The following NCOA7 variants were observed in gnomAD, a reference collection of about 807,000 sequenced individuals.
The protein encoded by NCOA7 is 140 kDa estrogen receptor-associated protein.
A neutral mutation model predicts 104.3 loss-of-function variants in NCOA7; 45 were observed. The ratio of observed to expected loss-of-function variants is 0.43; its 90% confidence interval spans 0.34 to 0.55. NCOA7 has a LOEUF of 0.55. NCOA7 is among the 20% of genes least tolerant of loss of function. The pLI, the probability that NCOA7 is intolerant of heterozygous loss-of-function variation, is 0.02. For missense variants in NCOA7, 1,041 were observed against 1,119.7 expected, an observed-to-expected ratio of 0.93 and a Z score of 1.00; for synonymous variants, 398 against 402.3, an observed-to-expected ratio of 0.99 and a Z score of 0.13.
chr6:125,927,916 G>A (rs538098828), intron 14 of NCOA7, among the ~76,000 whole-genome samples, 158 bp downstream of exon 14: 18 of 152,192 alleles, frequency 1.2e-4, no homozygotes, highest in African/African-American at 7.2e-5. Context: ...ACTGCTTAGC[G>A]TCCCTGGCCT....
At chr6:125,918,284 G>A (rs1787252234) in intron 11 of NCOA7, among the ~76,000 whole-genome samples, 2 of 152,212 alleles carry the variant, frequency 1.3e-5, no homozygotes, top group East Asian at 1.9e-4. Flanking sequence ...AAAGCACCTG[G>A]CACCCACCAT....
chr6:125,922,336 T>G lies in NCOA7; in HGVS notation c.2371-346T>G, dbSNP rs139883387. Among the ~76,000 whole-genome samples, 578 of 152,288 alleles carry G rather than the reference T, an allele frequency of 3.8e-3. 3 individuals carry two copies. The highest frequency in any genetic ancestry group is 0.011 in the African/African-American group (472 of 41,560). ...TTTAGAAAGAAAAATTGGGAAAATATGAACTGTTTGGTAAAAGCCAGGTTG... is the reference window on the plus strand; with the variant it reads ...TTTAGAAAGAAAAATTGGGAAAATAGGAACTGTTTGGTAAAAGCCAGGTTG... On this transcript the variant is annotated intron_variant, in intron 12 of 15. Coordinates refer to ENST00000392477, the MANE Select transcript of NCOA7 (RefSeq NM_181782.5).
intron 5 of NCOA7, among the ~76,000 whole-genome samples, 158 bp from the exon 6 acceptor site, chr6:125,880,932 G>A (rs1213295246): frequency 6.6e-6 from 1 of 152,146 alleles, no homozygotes; most frequent in African/African-American, 2.4e-5. Flanking sequence ...TCATGGATTA[G>A]TCTAGAAAAC....
At chr6:125,862,909 C>T (rs567747253) in intron 3 of NCOA7, among the ~76,000 whole-genome samples, 8 of 138,532 alleles carry the variant, frequency 5.8e-5, no homozygotes, top group Admixed American at 5.5e-4. Flanking sequence ...GCAAGAGAAC[C>T]GCTTGAACCC....
chr6:125,781,970 C>A (rs765173004), intron 1 of NCOA7, among the ~76,000 whole-genome samples: 23 of 152,126 alleles, frequency 1.5e-4, no homozygotes, highest in Non-Finnish European at 4.4e-5. Flanking sequence ...CAATTTAGAG[C>A]TCCAGCAATT....
chr6:125,853,080 G>C, intron 2 of NCOA7, among the ~76,000 whole-genome samples: 1 of 152,124 alleles, frequency 6.6e-6, no homozygotes, highest in Middle Eastern at 3.2e-3. Context: ...ATTTTTATTT[G>C]TTCATGTCAT....
chr6:125,885,963 GA>G lies in NCOA7; in HGVS notation c.884+626del, dbSNP rs551365237. On this transcript the variant is annotated intron_variant, in intron 8 of 15. Transcript: ENST00000392477. ...TAAAAAAGAGAGGGAAGCTCCCCAG[GA>G]AAAAAGAGAAAGCATTAAGAAAGCT... is the stretch of plus-strand genomic sequence containing the variant. 2.0e-5 allele frequency among the ~76,000 whole-genome samples: 3 copies of G among 151,974 alleles called. No individual in the cohort carries two copies. The South Asian group carries it at 6.2e-4, about 32-fold the overall frequency.
chr6:125,899,276 C>A (rs989978905), intron 10 of NCOA7, among the ~76,000 whole-genome samples: 4 of 152,140 alleles, frequency 2.6e-5, no homozygotes, highest in African/African-American at 9.7e-5. Flanking sequence ...ACAAACTGAC[C>A]TAGTTTTCTA....
chr6:125,852,781 T>C (rs867185439), intron 2 of NCOA7, among the ~76,000 whole-genome samples: 2 of 152,320 alleles, frequency 1.3e-5, no homozygotes, highest in African/African-American at 4.8e-5. Flanking sequence ...ACATTTACAT[T>C]TATACAGGTA....
intron 8 of NCOA7, among the ~76,000 whole-genome samples, chr6:125,888,574 T>G (rs1784413675): frequency 6.6e-6 from 1 of 152,226 alleles, no homozygotes; most frequent in South Asian, 2.1e-4. Context: ...ACTAAAATAT[T>G]TCCTCTCCTT....
At chr6:125,855,472 G>T (rs891799257) in intron 3 of NCOA7, 11 of 404,672 alleles carry the variant, frequency 2.7e-5, no homozygotes, top group African/African-American at 2.2e-4. Flanking sequence ...AATGTATTGT[G>T]TACTACTAAA....
chr6:125,872,495 T>C (rs1783015716), intron 3 of NCOA7, among the ~76,000 whole-genome samples: 2 of 152,178 alleles, frequency 1.3e-5, no homozygotes, highest in Non-Finnish European at 1.5e-5. Context: ...CTGTTTATGA[T>C]GACAGCAAGA....
intron 2 of NCOA7, among the ~76,000 whole-genome samples, chr6:125,820,589 G>A (rs768582303): frequency 1.3e-5 from 2 of 151,898 alleles, no homozygotes; most frequent in Non-Finnish European, 2.9e-5. Context: ...CAAGTAAAAT[G>A]AAACCAAGAT....
chr6:125,921,378 C>G (rs936214861), intron 12 of NCOA7, among the ~76,000 whole-genome samples: 1 of 152,010 alleles, frequency 6.6e-6, no homozygotes, highest in Non-Finnish European at 1.5e-5. Flanking sequence ...CCACTGCATT[C>G]CAGCCTGCGC....
Position 125,888,973 on chromosome 6 carries a change from C to G in NCOA7, c.919C>G (p.Pro307Ala), listed in dbSNP as rs774244865. ...LPQDLCPLYR[P>A]GEWEDLASEK... The stretch of plus-strand genomic sequence containing the variant: ...TCAGGATCTTTGTCCTCTGTACAGG[C>G]CTGGAGAATGGGAAGACCTGGCTTC... Residue 307 changes from proline to alanine, a missense_variant, in exon 9 of 16, where the codon CCT becomes GCT. Coordinates refer to ENST00000392477, the MANE Select transcript of NCOA7 (RefSeq NM_181782.5). 23 of 1,613,708 alleles carry G rather than the reference C, an allele frequency of 1.4e-5. No individual in the cohort carries two copies. Among genetic ancestry groups the G allele is most frequent in the Admixed American group, 6.7e-5 (4 of 59,964 alleles).
intron 3 of NCOA7, among the ~76,000 whole-genome samples, chr6:125,860,252 G>A (rs1781926244): frequency 6.6e-6 from 1 of 152,182 alleles, no homozygotes; most frequent in African/African-American, 2.4e-5. Flanking sequence ...TTTGATACAA[G>A]CACCTTGGAA....
At chr6:125,840,867 GGTTTTTTTTTTTTTT>G (rs1780073525) in intron 2 of NCOA7, among the ~76,000 whole-genome samples, 1 of 50,658 alleles carries the variant, frequency 2.0e-5, no homozygotes, top group African/African-American at 7.4e-5. Flanking sequence ...TTGTTTGGTT[GGTTTTTTTTTTTTTT>G]TTTTTTTTTT....
intron 10 of NCOA7, among the ~76,000 whole-genome samples, chr6:125,908,545 A>G (rs904690762): frequency 1.3e-5 from 2 of 152,192 alleles, no homozygotes; most frequent in Non-Finnish European, 2.9e-5. Context: ...CTCTAATAAT[A>G]TTGAGATCTT....
At chr6:125,788,723 TA>T (rs1774593021), upstream of NCOA7, among the ~76,000 whole-genome samples, 1 of 121,070 alleles carries the variant, frequency 8.3e-6, no homozygotes, top group Non-Finnish European at 1.9e-5. Context: ...TTTGTATTTT[TA>T]GTAGAGATGC....
Sources: allele counts gnomAD v4.1 joint callset (sites outside exome capture counted in the v4.1 genomes callset), GRCh38; gene constraint gnomAD v4.1.1; transcripts MANE v1.5; gene names NCBI Gene and HGNC (gene_info 2026-07-23, HGNC 2026-07-21).